The following SGCZ variants were observed in gnomAD, a reference collection of about 807,000 sequenced individuals.
The protein encoded by SGCZ is sarcoglycan zeta.
A neutral mutation model predicts 41.3 loss-of-function variants in SGCZ; 40 were observed. That is an observed-to-expected ratio of 0.97 (90% CI 0.75 to 1.26). SGCZ has a LOEUF of 1.26. Among genes scored for constraint, SGCZ ranks in the 50% most tolerant of loss-of-function variants. The pLI, the probability that SGCZ is intolerant of heterozygous loss-of-function variation, is 0.00. For synonymous variants in SGCZ, 206 were observed against 137.5 expected (o/e 1.50, Z -3.49); for missense variants, 552 against 369.8 (o/e 1.49, Z -4.04).
chr8:14,227,046 T>A (rs1423688596), intron 4 of SGCZ, among the ~76,000 whole-genome samples: 1 of 152,024 alleles, frequency 6.6e-6, no homozygotes, highest in African/African-American at 2.4e-5. Context: ...CTGATTCAAT[T>A]AGTAGCTCAC....
chr8:14,581,974 C>G (rs1336209014), intron 1 of SGCZ, among the ~76,000 whole-genome samples: 2 of 152,066 alleles, frequency 1.3e-5, no homozygotes, highest in African/African-American at 2.4e-5. Context: ...CCTGCTCCAC[C>G]TCTACTGCCT....
intron 1 of SGCZ, among the ~76,000 whole-genome samples, chr8:14,988,470 T>C (rs1801900461): frequency 6.6e-6 from 1 of 152,118 alleles, no homozygotes; most frequent in Non-Finnish European, 1.5e-5. Context: ...AAGCTTCTTT[T>C]ATCTATATTA....
chr8:14,272,778 C>T (rs1800104689), intron 3 of SGCZ, among the ~76,000 whole-genome samples: 1 of 152,154 alleles, frequency 6.6e-6, no homozygotes, highest in East Asian at 1.9e-4. Flanking sequence ...GTTATAACCT[C>T]AGTTTTGACT....
intron 4 of SGCZ, among the ~76,000 whole-genome samples, chr8:14,224,528 A>G (rs549039450): frequency 6.6e-6 from 1 of 152,338 alleles, no homozygotes; most frequent in Non-Finnish European, 1.5e-5. Context: ...TATATTATGC[A>G]ACTTTGTGCA....
intron 1 of SGCZ, among the ~76,000 whole-genome samples, chr8:14,967,347 A>G (rs988572584): frequency 2.0e-5 from 3 of 152,124 alleles, no homozygotes; most frequent in South Asian, 4.1e-4. Context: ...CTAACTGCCC[A>G]TGGTGCACAC....
At chr8:14,724,590 C>T (rs1340280341) in intron 1 of SGCZ, among the ~76,000 whole-genome samples, 2 of 151,370 alleles carry the variant, frequency 1.3e-5, no homozygotes, top group African/African-American at 4.8e-5. Flanking sequence ...TTGTATTATT[C>T]AGTTTGATAT....
At chr8:14,803,698 C>T (rs1322447393) in intron 1 of SGCZ, among the ~76,000 whole-genome samples, 1 of 151,946 alleles carries the variant, frequency 6.6e-6, no homozygotes, top group South Asian at 2.1e-4. Flanking sequence ...ACAAAGCAGC[C>T]AGGAAGCTCA....
At chr8:15,013,203 A>G (rs981211232) in intron 1 of SGCZ, among the ~76,000 whole-genome samples, 2 of 152,150 alleles carry the variant, frequency 1.3e-5, no homozygotes, top group African/African-American at 4.8e-5. Flanking sequence ...CCATTTCTGA[A>G]ATAAAAATCC....
intron 1 of SGCZ, among the ~76,000 whole-genome samples, chr8:14,617,129 C>T (rs1293824415): frequency 6.6e-6 from 1 of 152,076 alleles, no homozygotes; most frequent in Non-Finnish European, 1.5e-5. Flanking sequence ...AAGAAAGAAT[C>T]AGTTTAAGCT....
chr8:15,020,667 G>A (rs1018178973), intron 1 of SGCZ, among the ~76,000 whole-genome samples: 1 of 152,124 alleles, frequency 6.6e-6, no homozygotes, highest in African/African-American at 2.4e-5. Flanking sequence ...TTCTAATAGA[G>A]TGAATTATAA....
intron 4 of SGCZ, among the ~76,000 whole-genome samples, chr8:14,214,372 A>G (rs535410159): frequency 6.6e-6 from 1 of 152,122 alleles, no homozygotes; most frequent in Non-Finnish European, 1.5e-5. Flanking sequence ...GGGATACCGG[A>G]ACAGAAAAAG....
chr8:14,627,447 C>A (rs540751915), intron 1 of SGCZ, among the ~76,000 whole-genome samples: 1 of 152,036 alleles, frequency 6.6e-6, no homozygotes, highest in South Asian at 2.1e-4. Flanking sequence ...CTTCTTCCAA[C>A]GTTTTTATTT....
intron 3 of SGCZ, among the ~76,000 whole-genome samples, chr8:14,243,653 A>G (rs1029927462): frequency 2.0e-4 from 30 of 152,262 alleles, no homozygotes; most frequent in Admixed American, 4.6e-4. Context: ...TTTGTCAACT[A>G]CATACCACTT....
chr8:14,430,662 C>T (rs1308580481), intron 2 of SGCZ, among the ~76,000 whole-genome samples: 3 of 152,108 alleles, frequency 2.0e-5, no homozygotes, highest in African/African-American at 7.2e-5. Flanking sequence ...TCTCGCCACT[C>T]CTCTTCAACA....
At chr8:15,044,502 C>A (rs939471984) in intron 1 of SGCZ, among the ~76,000 whole-genome samples, 1 of 152,104 alleles carries the variant, frequency 6.6e-6, no homozygotes, top group African/African-American at 2.4e-5. Context: ...AAAATACATA[C>A]AGAATCAGGA....
At chr8:14,998,712 G>C (rs1802305812) in intron 1 of SGCZ, among the ~76,000 whole-genome samples, 1 of 152,210 alleles carries the variant, frequency 6.6e-6, no homozygotes, top group Non-Finnish European at 1.5e-5. Context: ...GTTTGGTCCT[G>C]TATAGAGTTG....
chr8:14,131,215 T>C (rs1053871401), intron 5 of SGCZ, among the ~76,000 whole-genome samples: 4 of 152,144 alleles, frequency 2.6e-5, no homozygotes, highest in Non-Finnish European at 5.9e-5. Flanking sequence ...CAGAGGTATC[T>C]TGATGGAGTA....
rs1211983100 is a variant in SGCZ, at chr8:14,309,501, A to G, written c.336+14602T>C. 2.5e-6 allele frequency: 4 copies of G among 1,608,760 alleles called. No homozygotes were observed. In the African/African-American group the frequency reaches 5.4e-5, roughly 22 times the overall value. The stretch of plus-strand genomic sequence containing the variant: ...GTTGTTAATGTTAGAGCTAATTGTG[A>G]TAAGAGAGCAGTGTGGACTACTGAA... On this transcript the variant is annotated intron_variant, in intron 3 of 7. Transcript: ENST00000382080.
At chr8:14,118,895 G>A (rs1016277300) in intron 5 of SGCZ, among the ~76,000 whole-genome samples, 2 of 152,148 alleles carry the variant, frequency 1.3e-5, no homozygotes, top group Non-Finnish European at 2.9e-5. Flanking sequence ...TATTTCCGAA[G>A]TTTCTGTTCC....
Sources: gnomAD v4.1 joint callset for allele counts (sites outside exome capture counted in the v4.1 genomes callset) on GRCh38, gnomAD v4.1.1 for gene constraint, MANE v1.5 for transcripts, NCBI Gene and HGNC (gene_info 2026-07-23, HGNC 2026-07-21) for gene names.